KCTD9: variants seen among roughly 807,000 people sequenced by gnomAD.
KCTD9 encodes the protein BTB/POZ domain-containing protein KCTD9.
Under a neutral mutation model 53.3 loss-of-function variants are expected in KCTD9, and 17 were observed. The observed-to-expected ratio is 0.32, with a 90% CI of 0.22 to 0.48. The LOEUF (loss-of-function observed/expected upper bound fraction) is 0.48. KCTD9 is among the 20% of genes least tolerant of loss of function. The pLI is 0.99. For synonymous variants in KCTD9, 128 were observed against 162.7 expected (o/e 0.79, Z 1.62); for missense variants, 179 against 465.5 (o/e 0.38, Z 5.66).
rs541236061 is a variant in KCTD9, at chr8:25,450,363, T to C, written c.49-4113A>G. On this transcript the variant is annotated intron_variant, in intron 1 of 11. Coordinates refer to ENST00000221200, the MANE Select transcript of KCTD9 (RefSeq NM_017634.4). ...CTGTTCTACTAATAACCGCCATAGG[T>C]TCAAATGGTACATTACCTGGCTTAC... The C allele has an allele frequency of 1.3e-4, 127 of 985,320 alleles. 1 individual carries two copies. The South Asian group carries it at 1.6e-3, about 12-fold the overall frequency. The allele number at this position is 985,320 out of a possible 1,614,324, so 61.0% of individuals were successfully genotyped here.
chr8:25,436,509 A>C (rs1802020868), intron 6 of KCTD9, 24 bp from the exon 7 acceptor site: 2 of 1,402,388 alleles, frequency 1.4e-6, no homozygotes, highest in Admixed American at 2.4e-5. Flanking sequence ...AATAATTCTG[A>C]AACAACCTAA....
At chr8:25,445,002 C>T (rs188843820) in intron 2 of KCTD9, among the ~76,000 whole-genome samples, 7 of 152,172 alleles carry the variant, frequency 4.6e-5, no homozygotes, top group East Asian at 1.9e-4. Flanking sequence ...TCACAGGACA[C>T]GTTAAATTTT....
intron 1 of KCTD9, among the ~76,000 whole-genome samples, chr8:25,454,261 G>A (rs11985969): frequency 0.3 from 45,889 of 152,054 alleles, 6,983 homozygotes; most frequent in Non-Finnish European, 0.31. Context: ...ACACGGTACA[G>A]AATGAAAGTA....
chr8:25,440,329 A>C (rs1802097393), intron 4 of KCTD9, among the ~76,000 whole-genome samples: 1 of 152,092 alleles, frequency 6.6e-6, no homozygotes, highest in South Asian at 2.1e-4. Context: ...AAGTGCTGGG[A>C]TTACAGGCGT....
At position 25,446,116 on chromosome 8, in the gene KCTD9, A is replaced by G; in HGVS notation, c.170+13T>C. 1 of 1,612,090 alleles carries G rather than the reference A, an allele frequency of 6.2e-7. No homozygotes were observed. The highest frequency in any genetic ancestry group is 8.5e-7 in the Non-Finnish European group (1 of 1,179,042). Reference sequence around the variant, plus strand: ...GGCACACTGTTGACAGCTTATAAAAAGGTGAAGGTTACCTGATCAAAGCAA... The same window carrying G: ...GGCACACTGTTGACAGCTTATAAAAGGGTGAAGGTTACCTGATCAAAGCAA... On this transcript the variant is annotated intron_variant, in intron 2 of 11. Transcript: ENST00000221200.
At chr8:25,433,065 G>C (rs1801958200) in intron 10 of KCTD9, among the ~76,000 whole-genome samples, 1 of 152,114 alleles carries the variant, frequency 6.6e-6, no homozygotes, top group Non-Finnish European at 1.5e-5. Flanking sequence ...CCATTTGAAA[G>C]TTTAAGATGT....
intron 2 of KCTD9, 44 bp downstream of exon 2, chr8:25,446,085 A>C: frequency 6.2e-7 from 1 of 1,602,038 alleles, no homozygotes; most frequent in Non-Finnish European, 8.5e-7. Context: ...AGCACCAAGA[A>C]GTTGAGGCAC....
At chr8:25,437,174 A>G (rs1311326323) in intron 6 of KCTD9, among the ~76,000 whole-genome samples, 1 of 152,154 alleles carries the variant, frequency 6.6e-6, no homozygotes, top group Non-Finnish European at 1.5e-5. Context: ...CAGGGTCCAC[A>G]TTTCCCCTTC....
chr8:25,455,883 T>C (rs566065593), intron 1 of KCTD9, among the ~76,000 whole-genome samples: 10 of 152,380 alleles, frequency 6.6e-5, no homozygotes, highest in African/African-American at 2.4e-4. Flanking sequence ...CATTATTTTA[T>C]ATTTTTAAGT....
Position 25,458,258 on chromosome 8 carries a change from C to A in KCTD9, c.-12G>T. On this transcript the variant is annotated 5_prime_UTR_variant, in exon 1 of 12. Coordinates refer to ENST00000221200, the MANE Select transcript of KCTD9 (RefSeq NM_017634.4). Reference sequence around the variant, plus strand: ...GTCACCCGCCTCATCGCGCTGCCCCCGCTGGGTCCTGAGTGAGCCGCCACC... The same window carrying A: ...GTCACCCGCCTCATCGCGCTGCCCCAGCTGGGTCCTGAGTGAGCCGCCACC... 1 of 1,610,498 alleles carries A rather than the reference C, an allele frequency of 6.2e-7. No homozygotes were observed. The highest frequency in any genetic ancestry group is 8.5e-7 in the Non-Finnish European group (1 of 1,179,544).
At position 25,458,298 on chromosome 8, in the gene KCTD9, T is replaced by A. The variant is rs1414888746; in HGVS notation, c.-52A>T. The A allele has an allele frequency of 3.1e-6, 5 of 1,599,628 alleles. No homozygotes were observed. The Admixed American group carries it at 5.0e-5, about 16-fold the overall frequency. On this transcript the variant is annotated 5_prime_UTR_variant, in exon 1 of 12. Transcript: ENST00000221200. ...GAGCCGCCACCCTCCCACCTGGTCC[T>A]CCTCCCACCTTTTTCTCCTCCCGCC...
intron 1 of KCTD9, among the ~76,000 whole-genome samples, chr8:25,448,874 C>T (rs1038315158): frequency 7.9e-5 from 12 of 151,726 alleles, no homozygotes; most frequent in African/African-American, 2.7e-4. Flanking sequence ...GAGATCACAC[C>T]ACCACACTCC....
At chr8:25,454,036 T>C (rs1005752487) in intron 1 of KCTD9, among the ~76,000 whole-genome samples, 2 of 152,070 alleles carry the variant, frequency 1.3e-5, no homozygotes, top group African/African-American at 4.8e-5. Context: ...TAACAACATA[T>C]TTCTTTTTCA....
Position 25,428,099 on chromosome 8 carries a change from T to C in KCTD9, c.*1758A>G, listed in dbSNP as rs1801871168. On this transcript the variant is annotated 3_prime_UTR_variant, in exon 12 of 12. Coordinates refer to ENST00000221200, the MANE Select transcript of KCTD9 (RefSeq NM_017634.4). The stretch of plus-strand genomic sequence containing the variant: ...AAATCTGCAGTTTCTAAGCACACCA[T>C]GTTTAGATCTTTCAGATCCTTCTGC... 2 of 152,638 alleles carry C rather than the reference T, an allele frequency of 1.3e-5. No individual in the cohort carries two copies. The highest frequency in any genetic ancestry group is 2.1e-4 in the South Asian group (1 of 4,834). The allele number at this position is 152,638 out of a possible 1,614,324, so 9.5% of individuals were successfully genotyped here.
intron 1 of KCTD9, among the ~76,000 whole-genome samples, chr8:25,448,642 C>T (rs773628047): frequency 5.9e-5 from 9 of 152,120 alleles, no homozygotes; most frequent in Admixed American, 2.0e-4. Flanking sequence ...GGGCTGGGCG[C>T]GGTGGCTCAC....
intron 1 of KCTD9, chr8:25,451,555 A>G (rs912347356): frequency 6.6e-6 from 1 of 152,174 alleles, no homozygotes; most frequent in Non-Finnish European, 1.5e-5. Flanking sequence ...TAAGAATAGA[A>G]GCATTTTACA....
At chr8:25,446,019 T>C in intron 2 of KCTD9, 110 bp downstream of exon 2, 1 of 1,403,656 alleles carries the variant, frequency 7.1e-7, no homozygotes, top group African/African-American at 1.4e-5. Flanking sequence ...GGTAAACACT[T>C]GCCAAAATCC....
intron 1 of KCTD9, among the ~76,000 whole-genome samples, chr8:25,456,270 C>A (rs1365127052): frequency 1.3e-5 from 2 of 152,162 alleles, no homozygotes; most frequent in Non-Finnish European, 2.9e-5. Context: ...GATATTCCAA[C>A]TGGTGGATGG....
In KCTD9 at chr8:25,432,448, T is replaced by A. The variant is rs908053582; in HGVS notation, c.1053+56A>T. 9.9e-6 allele frequency: 14 copies of A among 1,413,046 alleles called. 1 individual carries two copies. In the Admixed American group the frequency reaches 1.6e-4, roughly 16 times the overall value. 87.5% of individuals were successfully genotyped at this position (1,413,046 alleles called of 1,614,324 possible). A position where few individuals can be genotyped will look rare whatever the true frequency, so the allele number is the denominator to read the frequency against. ...TGTTTTGATTTCAATAAATTTTGCA[T>A]GAGATGCTTAGTAAGTCTAGAGTAA... On this transcript the variant is annotated intron_variant, in intron 11 of 11. Transcript: ENST00000221200.
Sources: gnomAD v4.1 joint callset for allele counts (sites outside exome capture counted in the v4.1 genomes callset) on GRCh38, gnomAD v4.1.1 for gene constraint, MANE v1.5 for transcripts, NCBI Gene and HGNC (gene_info 2026-07-23, HGNC 2026-07-21) for gene names.